The following GALNT17 variants were observed in gnomAD, a reference collection of about 807,000 sequenced individuals.
GALNT17 encodes the protein polypeptide N-acetylgalactosaminyltransferase 17.
Under a neutral mutation model 63.7 loss-of-function variants are expected in GALNT17, and 29 were observed. The observed-to-expected ratio is 0.46, with a 90% CI of 0.34 to 0.62. GALNT17 has a LOEUF of 0.62. Among genes scored for constraint, GALNT17 ranks in the 20% least tolerant of loss-of-function variants. The probability of loss-of-function intolerance (pLI) is 0.01; values close to 1 mark genes in which losing one functional copy is unlikely to be tolerated. For missense variants in GALNT17, 603 were observed against 799.6 expected (o/e 0.75, Z 2.97); for synonymous variants, 305 against 318.3 (o/e 0.96, Z 0.45).
At chr7:71,506,971 A>G (rs1788278987) in intron 5 of GALNT17, among the ~76,000 whole-genome samples, 1 of 152,240 alleles carries the variant, frequency 6.6e-6, no homozygotes, top group South Asian at 2.1e-4. Context: ...GCAGAGGCTC[A>G]CGCCTATAAT....
At chr7:71,393,554 C>CT (rs1320744359) in intron 3 of GALNT17, among the ~76,000 whole-genome samples, 127 of 148,340 alleles carry the variant, frequency 8.6e-4, no homozygotes, top group Middle Eastern at 6.9e-3. Flanking sequence ...CAGTGCCCCC[C>CT]TTTTTTTTTT....
chr7:71,612,344 A>G (rs1790137835), intron 6 of GALNT17, among the ~76,000 whole-genome samples: 1 of 152,204 alleles, frequency 6.6e-6, no homozygotes, highest in Non-Finnish European at 1.5e-5. Flanking sequence ...GCATATGGAA[A>G]TAGACCTTTA....
At chr7:71,239,295 A>ACG (rs1554343107) in intron 1 of GALNT17, among the ~76,000 whole-genome samples, 1 of 137,192 alleles carries the variant, frequency 7.3e-6, no homozygotes, top group Admixed American at 7.2e-5. Context: ...CCCTGTCTGT[A>ACG]CCCCCCCCCA....
intron 6 of GALNT17, among the ~76,000 whole-genome samples, chr7:71,625,390 C>G (rs1288336376): frequency 6.6e-6 from 1 of 152,194 alleles, no homozygotes; most frequent in Non-Finnish European, 1.5e-5. Context: ...AGGTGATCCA[C>G]CCGCCTTGGC....
intron 5 of GALNT17, among the ~76,000 whole-genome samples, chr7:71,428,141 A>G (rs1490344596): frequency 6.6e-6 from 1 of 152,166 alleles, no homozygotes; most frequent in Non-Finnish European, 1.5e-5. Flanking sequence ...TGTGAAGTTC[A>G]GTGGCAATAA....
At chr7:71,170,190 T>TAATG (rs1368618706) in intron 1 of GALNT17, among the ~76,000 whole-genome samples, 2 of 152,246 alleles carry the variant, frequency 1.3e-5, no homozygotes, top group Non-Finnish European at 2.9e-5. Flanking sequence ...GAATGTTGTG[T>TAATG]AATGAATGAA....
intron 5 of GALNT17, among the ~76,000 whole-genome samples, chr7:71,500,856 C>A (rs1186899304): frequency 6.6e-6 from 1 of 152,130 alleles, no homozygotes; most frequent in East Asian, 1.9e-4. Flanking sequence ...AGCCACTCCT[C>A]CAAACCCCTG....
chr7:71,185,846 CA>C lies in GALNT17; in HGVS notation c.238+52810del, dbSNP rs1227136124. 2.0e-5 allele frequency among the ~76,000 whole-genome samples: 3 copies of C among 152,304 alleles called. No individual in the cohort carries two copies. The East Asian group carries it at 5.8e-4, about 29-fold the overall frequency. ...TTCTACAACTCCATTTCCCTATCTGCAAAATGCAGCTAATAATCATAGTCAG... is the reference window on the plus strand; with the variant it reads ...TTCTACAACTCCATTTCCCTATCTGCAAATGCAGCTAATAATCATAGTCAG... On this transcript the variant is annotated intron_variant, in intron 1 of 10. Coordinates refer to ENST00000333538, the MANE Select transcript of GALNT17 (RefSeq NM_022479.3).
chr7:71,689,814 C>T (rs1791414648), intron 9 of GALNT17, among the ~76,000 whole-genome samples: 1 of 152,128 alleles, frequency 6.6e-6, no homozygotes, highest in African/African-American at 2.4e-5. Flanking sequence ...CCATGCCTGG[C>T]TTCAAAGCCT....
chr7:71,388,524 A>G (rs1388354646), intron 3 of GALNT17, 123 bp downstream of exon 3: 5 of 1,238,488 alleles, frequency 4.0e-6, no homozygotes, highest in Admixed American at 5.6e-5. Context: ...GGGAAGGGAT[A>G]TTTTTTCTTT....
At chr7:71,242,734 G>A (rs575931470) in intron 1 of GALNT17, among the ~76,000 whole-genome samples, 1 of 152,300 alleles carries the variant, frequency 6.6e-6, no homozygotes, top group Non-Finnish European at 1.5e-5. Context: ...CTGGGCCCCT[G>A]AGGACTTTGC....
chr7:71,164,511 C>T (rs902681809), intron 1 of GALNT17, among the ~76,000 whole-genome samples: 81 of 152,310 alleles, frequency 5.3e-4, no homozygotes, highest in Middle Eastern at 3.4e-3. Context: ...TGGGTGGGGA[C>T]ACAGAGCCAA....
intron 6 of GALNT17, among the ~76,000 whole-genome samples, chr7:71,648,270 CTT>C (rs200155271): frequency 1.5e-4 from 21 of 142,510 alleles, no homozygotes; most frequent in Admixed American, 2.8e-4. Context: ...TCATGAGCTA[CTT>C]TTTTTTTTTT....
intron 2 of GALNT17, among the ~76,000 whole-genome samples, chr7:71,378,838 A>T (rs986601407): frequency 6.6e-6 from 1 of 151,812 alleles, no homozygotes; most frequent in African/African-American, 2.4e-5. Flanking sequence ...AAATAAATAA[A>T]TAAATAAAAA....
At chr7:71,313,919 A>T (rs939857277) in intron 1 of GALNT17, among the ~76,000 whole-genome samples, 1 of 152,114 alleles carries the variant, frequency 6.6e-6, no homozygotes, top group Non-Finnish European at 1.5e-5. Context: ...TTGGGAAGGG[A>T]TTAAAGGGGA....
intron 9 of GALNT17, among the ~76,000 whole-genome samples, chr7:71,697,252 G>A (rs1256598083): frequency 1.3e-5 from 2 of 152,198 alleles, no homozygotes; most frequent in Non-Finnish European, 2.9e-5. Flanking sequence ...GCAGGACTGG[G>A]TAGGGTAGAT....
At chr7:71,513,381 TG>T (rs1234120571) in intron 5 of GALNT17, among the ~76,000 whole-genome samples, 6 of 152,090 alleles carry the variant, frequency 3.9e-5, no homozygotes, top group Non-Finnish European at 8.8e-5. Flanking sequence ...TTTGTTTTTT[TG>T]TTTTTTTGTT....
intron 3 of GALNT17, among the ~76,000 whole-genome samples, chr7:71,401,536 G>T (rs1278090834): frequency 1.3e-5 from 2 of 152,192 alleles, no homozygotes; most frequent in East Asian, 1.9e-4. Flanking sequence ...CCGCACAGCA[G>T]GAGGTGAGAG....
intron 1 of GALNT17, among the ~76,000 whole-genome samples, chr7:71,276,006 A>C (rs778295551): frequency 3.4e-4 from 52 of 152,168 alleles, no homozygotes; most frequent in South Asian, 8.3e-4. Context: ...CATAGCACTT[A>C]TTATTCCTGG....
Sources: gnomAD v4.1 joint callset for allele counts (sites outside exome capture counted in the v4.1 genomes callset) on GRCh38, gnomAD v4.1.1 for gene constraint, MANE v1.5 for transcripts, NCBI Gene and HGNC (gene_info 2026-07-23, HGNC 2026-07-21) for gene names.